Variants in AKNA observed in about 807,000 individuals in gnomAD.
The protein encoded by AKNA is AT-hook transcription factor.
In AKNA, 67 loss-of-function variants were observed where a neutral mutation model predicts 138.8. That is an observed-to-expected ratio of 0.48 (90% CI 0.40 to 0.59). AKNA has a LOEUF of 0.59. Ranked by LOEUF, AKNA falls within the 20% of genes least tolerant of loss-of-function variation. The pLI is 0.00. For missense variants in AKNA, 1,813 were observed against 1,880.4 expected (o/e 0.96, Z 0.66); for synonymous variants, 737 against 754.4 (o/e 0.98, Z 0.38).
chr9:114,354,806 A>T (rs1831374195), intron 14 of AKNA, among the ~76,000 whole-genome samples: 2 of 151,984 alleles, frequency 1.3e-5, no homozygotes, highest in South Asian at 4.2e-4. Context: ...TACATAAACC[A>T]GTAACAGAGT....
intron 3 of AKNA, among the ~76,000 whole-genome samples, chr9:114,375,700 C>A (rs547123842): frequency 6.6e-6 from 1 of 151,270 alleles, no homozygotes; most frequent in Non-Finnish European, 1.5e-5. Context: ...AGGCCACAGG[C>A]GAGAAAGGTT....
chr9:114,362,356 C>T (rs1832033228), intron 8 of AKNA, 50 bp downstream of exon 8: 4 of 1,569,372 alleles, frequency 2.5e-6, no homozygotes, highest in Non-Finnish European at 3.5e-6. Flanking sequence ...CTGAGGGACC[C>T]CAGGGGCCCA....
At chr9:114,367,323 G>A (rs927479019) in intron 6 of AKNA, among the ~76,000 whole-genome samples, 1 of 152,100 alleles carries the variant, frequency 6.6e-6, no homozygotes, top group African/African-American at 2.4e-5. Context: ...TGCCAAAAAG[G>A]GGGGTGAGAC....
intron 5 of AKNA, 136 bp downstream of exon 5, chr9:114,368,303 G>T: frequency 9.9e-7 from 1 of 1,011,022 alleles, no homozygotes; most frequent in Non-Finnish European, 1.3e-6. Flanking sequence ...GAGTCAAAGT[G>T]CCCAGGGTGG....
At chr9:114,362,007 C>A in intron 8 of AKNA, 96 bp from the exon 9 acceptor site, 1 of 1,285,558 alleles carries the variant, frequency 7.8e-7, no homozygotes, top group Non-Finnish European at 1.1e-6. Context: ...CCAGGGGATG[C>A]CCCCTTAGGG....
At chr9:114,363,788 A>C (rs546484410) in intron 7 of AKNA, among the ~76,000 whole-genome samples, 31 of 152,160 alleles carry the variant, frequency 2.0e-4, no homozygotes, top group African/African-American at 6.5e-4. Context: ...GGCTAATGCT[A>C]CTACCCGGGG....
Position 114,361,737 on chromosome 9 carries a change from G to T in AKNA, c.2091C>A (p.Ala697=), listed in dbSNP as rs1831977460. The T allele has an allele frequency of 6.2e-7, 1 of 1,613,510 alleles. No homozygotes were observed. The highest frequency in any genetic ancestry group is 8.5e-7 in the Non-Finnish European group (1 of 1,180,016). The change falls in exon 9 of 22, where the codon GCC becomes GCA. Residue 697 remains alanine, a synonymous_variant. Coordinates refer to ENST00000374088, the MANE Select transcript of AKNA (RefSeq NM_001317950.2). ...AGGAGGTCTTGATGGCTGGCATGGGGGCTTGTCCAGAAGGAGCAGGCAGGT... is the reference window on the plus strand; with the variant it reads ...AGGAGGTCTTGATGGCTGGCATGGGTGCTTGTCCAGAAGGAGCAGGCAGGT... ...PTHLPAPSGQ[A]PMPAIKTSCP...
At chr9:114,350,228 G>C (rs1831009032) in intron 15 of AKNA, among the ~76,000 whole-genome samples, 1 of 152,090 alleles carries the variant, frequency 6.6e-6, no homozygotes, top group Non-Finnish European at 1.5e-5. Flanking sequence ...CCAGCAGCTG[G>C]ACACAACTTT....
chr9:114,338,667 G>T (rs1396663538), intron 21 of AKNA, among the ~76,000 whole-genome samples: 1 of 152,220 alleles, frequency 6.6e-6, no homozygotes, highest in East Asian at 1.9e-4. Context: ...CAGTCATTCT[G>T]CTGGGCTACT....
At chr9:114,387,137 C>T (rs10982192) in intron 1 of AKNA, among the ~76,000 whole-genome samples, 32,476 of 152,110 alleles carry the variant, frequency 0.21, 3,804 homozygotes, top group Admixed American at 0.28. Context: ...AGACCACCCC[C>T]CAAATCAGTA....
intron 1 of AKNA, chr9:114,383,296 C>T (rs1332825338): frequency 4.5e-6 from 2 of 443,852 alleles, no homozygotes; most frequent in Admixed American, 4.9e-5. Flanking sequence ...CTTTCCTTCT[C>T]CCTCTCATCT....
At chr9:114,347,422 G>A (rs894601107) in intron 16 of AKNA, among the ~76,000 whole-genome samples, 4 of 152,166 alleles carry the variant, frequency 2.6e-5, no homozygotes, top group African/African-American at 9.7e-5. Context: ...GTTTCACCAT[G>A]TTGGTCAGGC....
At chr9:114,358,235 C>A in intron 11 of AKNA, 68 bp from the exon 12 acceptor site, 1 of 1,599,508 alleles carries the variant, frequency 6.3e-7, no homozygotes, top group Non-Finnish European at 8.5e-7. Context: ...TTGGCCTGTC[C>A]TGGGAGCCAA....
Position 114,337,013 on chromosome 9 carries a change from G to GGGGGGGGCCCCCCCCCCCC in AKNA, c.*40_*41insGGGGGGGGGGGGCCCCCCC. On this transcript the variant is annotated 3_prime_UTR_variant, in exon 22 of 22. Transcript: ENST00000374088. ...CCACTCCTGGCCTGGCAGGCCACCT[G>GGGGGGGGCCCCCCCCCCCC]CCCACCCACCCACCCATCTGCCTCT... 8.4e-7 allele frequency: 1 copy of GGGGGGGGCCCCCCCCCCCC among 1,185,370 alleles called. No homozygotes were observed. Among genetic ancestry groups the GGGGGGGGCCCCCCCCCCCC allele is most frequent in the Non-Finnish European group, 1.1e-6 (1 of 921,704 alleles). The allele number at this position is 1,185,370 out of a possible 1,614,324, so 73.4% of individuals were successfully genotyped here. A position where few individuals can be genotyped will look rare whatever the true frequency, so the allele number is the denominator to read the frequency against.
intron 11 of AKNA, chr9:114,358,427 T>C (rs917186271): frequency 2.1e-6 from 1 of 474,144 alleles, no homozygotes; most frequent in African/African-American, 2.0e-5. Context: ...TAAAGCAGCA[T>C]TTCCCAGACT....
At chr9:114,338,692 C>A (rs1330621205) in intron 21 of AKNA, among the ~76,000 whole-genome samples, 1 of 152,216 alleles carries the variant, frequency 6.6e-6, no homozygotes, top group Non-Finnish European at 1.5e-5. Context: ...GGACTCTGGA[C>A]AAGCTAAGTC....
In AKNA at chr9:114,357,956, T is replaced by TA. The variant is rs770918954; in HGVS notation, c.2703_2704insT (p.Lys902Ter). The stretch of plus-strand genomic sequence containing the variant: ...GGCCCACCGCCTCGGTGCAAAGGCT[T>TA]CTGTGGAAGGCGCTCAGAGATGCCG... On this transcript the variant is annotated frameshift_variant, in exon 12 of 22. Coordinates refer to ENST00000374088, the MANE Select transcript of AKNA (RefSeq NM_001317950.2). LOFTEE classifies it high-confidence loss of function. 6.2e-7 allele frequency: 1 copy of TA among 1,601,658 alleles called. No individual in the cohort carries two copies. The highest frequency in any genetic ancestry group is 8.5e-7 in the Non-Finnish European group (1 of 1,175,978).
intron 2 of AKNA, among the ~76,000 whole-genome samples, chr9:114,378,262 C>T (rs1056364426): frequency 6.6e-6 from 1 of 152,194 alleles, no homozygotes. Flanking sequence ...CTAGTTAACT[C>T]CTATCTGTCC....
intron 6 of AKNA, among the ~76,000 whole-genome samples, chr9:114,365,391 G>C (rs1367127910): frequency 1.3e-5 from 2 of 152,166 alleles, no homozygotes; most frequent in African/African-American, 4.8e-5. Flanking sequence ...TGGGTTGGAG[G>C]AAAGATTTAG....
Sources: allele counts gnomAD v4.1 joint callset (sites outside exome capture counted in the v4.1 genomes callset), GRCh38; gene constraint gnomAD v4.1.1; transcripts MANE v1.5; gene names NCBI Gene and HGNC (gene_info 2026-07-23, HGNC 2026-07-21).